Variants in FAAH2 observed in about 807,000 individuals in gnomAD.
FAAH2 encodes the protein fatty-acid amide hydrolase 2.
FAAH2 carries 60 observed loss-of-function variants against 36.9 expected under a neutral mutation model. The observed-to-expected ratio is 1.63, with a 90% CI of 1.32 to 2.02. The LOEUF is 2.02. FAAH2 is among the 30% of genes most tolerant of loss of function. FAAH2 has a pLI of 0.00. For missense variants in FAAH2, 689 were observed against 397.5 expected (o/e 1.73, Z -6.23); for synonymous variants, 214 against 143.8 (o/e 1.49, Z -3.49).
chrX:57,305,046 G>T (rs1313886964), intron 2 of FAAH2, among the ~76,000 whole-genome samples: 7 of 76,525 alleles, frequency 9.1e-5, no homozygotes, highest in Non-Finnish European at 1.6e-4. Context: ...CTTCCTTAAG[G>T]TGTGATTCTG....
chrX:57,251,273 C>T, the FAAH2 span, among the ~76,000 whole-genome samples: 1 of 111,920 alleles, frequency 8.9e-6, no homozygotes, highest in African/African-American at 3.2e-5. Context: ...TTAATAGATG[C>T]AGTGAAAGCG....
the FAAH2 span, among the ~76,000 whole-genome samples, chrX:57,212,962 G>C: frequency 2.7e-4 from 30 of 111,381 alleles, no homozygotes; most frequent in African/African-American, 7.5e-4. Flanking sequence ...CAGGTTTGTT[G>C]TTGTTGTTGT....
intron 10 of FAAH2, among the ~76,000 whole-genome samples, chrX:57,463,136 C>T (rs1379126842): frequency 9.0e-6 from 1 of 111,153 alleles, no homozygotes; most frequent in Non-Finnish European, 1.9e-5. Flanking sequence ...GAACTACAAA[C>T]CACTGCTCAA....
the FAAH2 span, among the ~76,000 whole-genome samples, chrX:57,189,720 G>A: frequency 9.0e-6 from 1 of 111,696 alleles, no homozygotes; most frequent in African/African-American, 3.3e-5. Flanking sequence ...AGTGGGGGCT[G>A]CAGAACAACA....
chrX:57,138,549 C>A, the FAAH2 span, among the ~76,000 whole-genome samples: 1 of 110,953 alleles, frequency 9.0e-6, no homozygotes, highest in African/African-American at 3.3e-5. Flanking sequence ...CGTTGATATG[C>A]TGATTTCCTT....
the FAAH2 span, among the ~76,000 whole-genome samples, chrX:57,203,893 T>C: frequency 8.9e-6 from 1 of 112,040 alleles, no homozygotes; most frequent in African/African-American, 3.2e-5. Context: ...CTATTAACAG[T>C]TTCCACAAAT....
Position 57,310,664 on chromosome X carries a change from C to A in FAAH2, c.347C>A (p.Thr116Asn). ...KLAEKQEDEA[T>N]LENKWPFLGV... Reference sequence around the variant, plus strand: ...GCAGAGAAGCAGGAAGATGAAGCCACCCTGGAAAATAAATGGCCCTTCCTT... The same window carrying A: ...GCAGAGAAGCAGGAAGATGAAGCCAACCTGGAAAATAAATGGCCCTTCCTT... Residue 116 changes from threonine to asparagine, a missense_variant, in exon 3 of 11, where the codon ACC (threonine) becomes AAC (asparagine). By Grantham distance (65) the Thr-to-Asn change is moderately conservative. Coordinates refer to ENST00000374900, the MANE Select transcript of FAAH2 (RefSeq NM_174912.4). 3 of 1,208,874 alleles carry A rather than the reference C, an allele frequency of 2.5e-6. No individual in the cohort carries two copies. The highest frequency in any genetic ancestry group is 2.2e-6 in the Non-Finnish European group (2 of 894,006).
At chrX:57,216,576 A>G in the FAAH2 span, among the ~76,000 whole-genome samples, 2 of 52,340 alleles carry the variant, frequency 3.8e-5, no homozygotes, top group African/African-American at 1.8e-4. Flanking sequence ...GTATATGTAT[A>G]TATATGTATA....
intron 10 of FAAH2, among the ~76,000 whole-genome samples, chrX:57,480,927 G>GT (rs1232557581): frequency 5.6e-4 from 59 of 104,636 alleles, no homozygotes; most frequent in East Asian, 2.4e-3. Flanking sequence ...TGGAGGCTTT[G>GT]TTTTTTTTTC....
chrX:57,336,686 C>A (rs1485163435), intron 4 of FAAH2, among the ~76,000 whole-genome samples: 1 of 111,835 alleles, frequency 8.9e-6, no homozygotes, highest in Admixed American at 9.5e-5. Flanking sequence ...TCAAGAAGTT[C>A]TTTGAAACTA....
At chrX:57,253,286 C>A in the FAAH2 span, among the ~76,000 whole-genome samples, 96 of 109,855 alleles carry the variant, frequency 8.7e-4, no homozygotes, top group Non-Finnish European at 1.3e-3. Context: ...ACCAGATCTA[C>A]GTTTGATTGG....
chrX:57,300,891 C>A (rs1602202846), intron 2 of FAAH2, among the ~76,000 whole-genome samples: 2 of 112,040 alleles, frequency 1.8e-5, no homozygotes, highest in South Asian at 7.5e-4. Context: ...CAGAGAAATG[C>A]AAATCAAAAC....
At chrX:57,461,547 G>A (rs2147217487) in intron 10 of FAAH2, among the ~76,000 whole-genome samples, 1 of 111,616 alleles carries the variant, frequency 9.0e-6, no homozygotes, top group East Asian at 2.8e-4. Context: ...GCTCCTGAAT[G>A]ACTACTGGGT....
chrX:57,427,836 A>G (rs2056199698), intron 7 of FAAH2, among the ~76,000 whole-genome samples: 1 of 65,166 alleles, frequency 1.5e-5, no homozygotes, highest in Non-Finnish European at 4.5e-5. Context: ...CTTTCTAAAA[A>G]CTGAAACAAG....
chrX:57,234,744 A>T, the FAAH2 span, among the ~76,000 whole-genome samples: 299 of 111,845 alleles, frequency 2.7e-3, no homozygotes, highest in Non-Finnish European at 4.7e-3. Context: ...GATGGGGAGC[A>T]GCTGTAAATA....
chrX:57,257,997 G>T, the FAAH2 span, among the ~76,000 whole-genome samples: 144 of 111,561 alleles, frequency 1.3e-3, no homozygotes, highest in Middle Eastern at 0.014. Context: ...TCTCAATTTT[G>T]AACAAGAATA....
the FAAH2 span, chrX:57,135,689 C>T: frequency 2.7e-6 from 3 of 1,094,182 alleles, no homozygotes; most frequent in African/African-American, 5.6e-5. Flanking sequence ...AGCAAAACAA[C>T]AGTTAATGCT....
chrX:57,458,717 G>A (rs959014710), intron 10 of FAAH2, among the ~76,000 whole-genome samples: 2 of 111,633 alleles, frequency 1.8e-5, no homozygotes, highest in African/African-American at 3.3e-5. Flanking sequence ...TGCCTTACCC[G>A]GGAAGTGCAA....
chrX:57,292,642 A>C (rs755017447), intron 2 of FAAH2, 62 bp downstream of exon 2: 1 of 934,683 alleles, frequency 1.1e-6, no homozygotes, highest in Non-Finnish European at 1.5e-6. Flanking sequence ...TTCTGTGGTC[A>C]TGCCACCTTA....
Sources: allele counts gnomAD v4.1 joint callset (sites outside exome capture counted in the v4.1 genomes callset), GRCh38; gene constraint gnomAD v4.1.1; transcripts MANE v1.5; gene names NCBI Gene and HGNC (gene_info 2026-07-23, HGNC 2026-07-21).